CAMK1D: variants seen among roughly 807,000 people sequenced by gnomAD.
The protein encoded by CAMK1D is calcium/calmodulin dependent protein kinase ID.
In CAMK1D, 9 loss-of-function variants were observed where a neutral mutation model predicts 47.7. The observed-to-expected ratio is 0.19, with a 90% confidence interval of 0.11 to 0.33. CAMK1D has a LOEUF of 0.33. Among genes scored for constraint, CAMK1D ranks in the 10% least tolerant of loss-of-function variants. The probability of loss-of-function intolerance (pLI) is 1.00; values close to 1 mark genes in which losing one functional copy is unlikely to be tolerated. For synonymous variants in CAMK1D, 184 were observed against 184.9 expected (o/e 0.99, Z 0.04); for missense variants, 291 against 488.7 (o/e 0.60, Z 3.81).
intron 1 of CAMK1D, among the ~76,000 whole-genome samples, chr10:12,489,303 C>T (rs1329133441): frequency 6.6e-6 from 1 of 152,132 alleles, no homozygotes; most frequent in Admixed American, 6.5e-5. Context: ...CTGAGGACCC[C>T]TGGTGTCGAG....
chr10:12,578,008 T>G lies in CAMK1D; in HGVS notation c.224+24652T>G, dbSNP rs138376169. Among the ~76,000 whole-genome samples the G allele has an allele frequency of 2.3e-3, 344 of 152,350 alleles. 6 individuals carry two copies. The East Asian group carries it at 0.031, about 14-fold the overall frequency. On this transcript the variant is annotated intron_variant, in intron 2 of 10. Transcript: ENST00000619168. ...ATTAGGCAAGCACAGCTGCCAGCGT[T>G]TATATTTGCATTATCTTACATCCTC...
At chr10:12,588,895 T>C (rs1564430507) in intron 2 of CAMK1D, among the ~76,000 whole-genome samples, 2 of 151,478 alleles carry the variant, frequency 1.3e-5, no homozygotes, top group African/African-American at 2.4e-5. Context: ...CGTGCGTGTG[T>C]GTGTGTGTGT....
chr10:12,719,205 G>A (rs1314682754), intron 3 of CAMK1D, among the ~76,000 whole-genome samples: 6 of 152,118 alleles, frequency 3.9e-5, no homozygotes, highest in South Asian at 2.1e-4. Context: ...TCAGGAGTTC[G>A]AGACCAGCCT....
At chr10:12,671,300 C>G (rs1354970434) in intron 3 of CAMK1D, among the ~76,000 whole-genome samples, 1 of 150,878 alleles carries the variant, frequency 6.6e-6, no homozygotes, top group Non-Finnish European at 1.5e-5. Context: ...TTTCATTTCC[C>G]TTGGGTATAT....
At chr10:12,468,823 G>A (rs1484148864) in intron 1 of CAMK1D, among the ~76,000 whole-genome samples, 1 of 152,178 alleles carries the variant, frequency 6.6e-6, no homozygotes. Context: ...GGTTTGAGAA[G>A]AATTAGCCTC....
At chr10:12,503,502 G>C (rs2815663) in intron 1 of CAMK1D, among the ~76,000 whole-genome samples, 38,364 of 151,920 alleles carry the variant, frequency 0.25, 5,292 homozygotes, top group African/African-American at 0.33. Context: ...GAGCAGAGAG[G>C]GGGGCCTGTG....
intron 1 of CAMK1D, among the ~76,000 whole-genome samples, chr10:12,514,987 A>G (rs903266666): frequency 2.0e-5 from 3 of 151,480 alleles, no homozygotes; most frequent in African/African-American, 4.9e-5. Context: ...ACTAGCTGGG[A>G]CTACAGGTGT....
intron 3 of CAMK1D, among the ~76,000 whole-genome samples, chr10:12,704,915 A>G (rs746976046): frequency 1.3e-5 from 2 of 152,250 alleles, no homozygotes; most frequent in African/African-American, 4.8e-5. Context: ...TTCTAGGAAC[A>G]TGAAATAAAA....
intron 3 of CAMK1D, among the ~76,000 whole-genome samples, chr10:12,698,825 A>G (rs1833399156): frequency 1.3e-5 from 2 of 151,870 alleles, no homozygotes; most frequent in African/African-American, 4.8e-5. Context: ...GGTACGTGCC[A>G]CCACGCCCAG....
At chr10:12,824,661 A>G in intron 9 of CAMK1D, 109 bp downstream of exon 9, 2 of 825,408 alleles carry the variant, frequency 2.4e-6, no homozygotes, top group Non-Finnish European at 4.0e-6. Context: ...TAATTTTGCT[A>G]ATTTTAACTG....
chr10:12,543,834 A>T (rs1374384575), intron 1 of CAMK1D, among the ~76,000 whole-genome samples: 2 of 152,194 alleles, frequency 1.3e-5, no homozygotes, highest in African/African-American at 4.8e-5. Flanking sequence ...GACTGGGTAT[A>T]CATTTAACAG....
intron 1 of CAMK1D, among the ~76,000 whole-genome samples, chr10:12,459,238 C>G (rs1039910967): frequency 6.6e-6 from 1 of 152,028 alleles, no homozygotes; most frequent in African/African-American, 2.4e-5. Flanking sequence ...TAAAAAAAAC[C>G]ACGTTATGGC....
At chr10:12,583,091 CT>C (rs1837710820) in intron 2 of CAMK1D, among the ~76,000 whole-genome samples, 1 of 151,988 alleles carries the variant, frequency 6.6e-6, no homozygotes, top group Non-Finnish European at 1.5e-5. Context: ...GAGATTCTGT[CT>C]CAAAAACAAA....
intron 3 of CAMK1D, among the ~76,000 whole-genome samples, chr10:12,739,148 G>T (rs1052024015): frequency 6.6e-6 from 1 of 152,002 alleles, no homozygotes; most frequent in Non-Finnish European, 1.5e-5. Flanking sequence ...GAGGCAGGAG[G>T]ATCGCTTAAG....
intron 5 of CAMK1D, among the ~76,000 whole-genome samples, chr10:12,776,973 C>A (rs1245707718): frequency 6.6e-6 from 1 of 152,186 alleles, no homozygotes; most frequent in Non-Finnish European, 1.5e-5. Flanking sequence ...TGCATGTCCA[C>A]AAATGACCAC....
intron 1 of CAMK1D, among the ~76,000 whole-genome samples, chr10:12,377,248 A>G (rs1588421768): frequency 6.6e-6 from 1 of 152,234 alleles, no homozygotes; most frequent in East Asian, 1.9e-4. Context: ...AAAATGTAGT[A>G]TTCTCTGAAA....
chr10:12,374,632 A>G (rs1838118527), intron 1 of CAMK1D, among the ~76,000 whole-genome samples: 1 of 151,828 alleles, frequency 6.6e-6, no homozygotes, highest in African/African-American at 2.4e-5. Context: ...GTTGTCCTAT[A>G]TTTTTCTTTT....
At chr10:12,781,282 A>G (rs1837480070) in intron 5 of CAMK1D, among the ~76,000 whole-genome samples, 1 of 152,250 alleles carries the variant, frequency 6.6e-6, no homozygotes, top group Non-Finnish European at 1.5e-5. Context: ...TTAAGTACAG[A>G]GTAGGCGTCA....
At chr10:12,380,235 G>A (rs1276536456) in intron 1 of CAMK1D, among the ~76,000 whole-genome samples, 1 of 151,994 alleles carries the variant, frequency 6.6e-6, no homozygotes, top group Non-Finnish European at 1.5e-5. Flanking sequence ...AAGAGGCATC[G>A]CTGATTGATT....
Sources: gnomAD v4.1 joint callset for allele counts (sites outside exome capture counted in the v4.1 genomes callset) on GRCh38, gnomAD v4.1.1 for gene constraint, MANE v1.5 for transcripts, NCBI Gene and HGNC (gene_info 2026-07-23, HGNC 2026-07-21) for gene names.